Variants in LRCH2 observed in about 807,000 individuals in gnomAD.
LRCH2 encodes leucine-rich repeat and calponin homology domain-containing protein 2.
Under a neutral mutation model 68.9 loss-of-function variants are expected in LRCH2, and 38 were observed. That is an observed-to-expected ratio of 0.55 (90% CI 0.43 to 0.72). LRCH2 has a LOEUF of 0.72. Among genes scored for constraint, LRCH2 ranks in the 30% least tolerant of loss-of-function variants. The pLI, the probability that LRCH2 is intolerant of heterozygous loss-of-function variation, is 0.00. For synonymous variants in LRCH2, 191 were observed against 208.1 expected, an observed-to-expected ratio of 0.92 and a Z score of 0.71; for missense variants, 528 against 572.9, an observed-to-expected ratio of 0.92 and a Z score of 0.80.
intron 14 of LRCH2, 93 bp downstream of exon 14, chrX:115,149,734 G>C (rs1469891845): frequency 7.4e-4 from 358 of 483,030 alleles, no homozygotes; most frequent in Non-Finnish European, 1.3e-4. Context: ...CATTTAACTA[G>C]AGAGTTACAG....
chrX:115,114,530 A>G (rs1603014054), intron 20 of LRCH2, among the ~76,000 whole-genome samples: 1 of 110,992 alleles, frequency 9.0e-6, no homozygotes, highest in East Asian at 2.8e-4. Context: ...AAAACAATAG[A>G]TAAAAAAAAT....
intron 11 of LRCH2, among the ~76,000 whole-genome samples, chrX:115,159,273 ATT>A (rs782264717): frequency 1.2e-4 from 13 of 110,539 alleles, no homozygotes. Flanking sequence ...TAAGATAATG[ATT>A]TTTTTTCAAG....
rs1243892290 is a variant in LRCH2, at chrX:115,122,507, G to A, written c.2178+20C>T. The A allele has an allele frequency of 2.6e-6, 3 of 1,161,528 alleles. No individual in the cohort carries two copies. The highest frequency in any genetic ancestry group is 3.5e-6 in the Non-Finnish European group (3 of 854,310). On this transcript the variant is annotated intron_variant, in intron 20 of 20. Coordinates refer to ENST00000317135, the MANE Select transcript of LRCH2 (RefSeq NM_020871.4). ...AAATTCAAATTTAAGTGATCACGTT[G>A]TTAGATAAATAACAATTACCTGTGA...
intron 12 of LRCH2, among the ~76,000 whole-genome samples, chrX:115,154,272 C>T (rs2072455649): frequency 9.0e-6 from 1 of 111,680 alleles, no homozygotes; most frequent in Non-Finnish European, 1.9e-5. Flanking sequence ...AATTATAGAA[C>T]TGCAAGGAGA....
chrX:115,116,180 T>C (rs1329042291), intron 20 of LRCH2, among the ~76,000 whole-genome samples: 2 of 111,478 alleles, frequency 1.8e-5, no homozygotes, highest in Non-Finnish European at 3.8e-5. Flanking sequence ...AGTTACCATA[T>C]AACCTAACAA....
chrX:115,151,459 T>C lies in LRCH2; in HGVS notation c.1530-1389A>G, dbSNP rs73636266. On this transcript the variant is annotated intron_variant, in intron 12 of 20. Coordinates refer to ENST00000317135, the MANE Select transcript of LRCH2 (RefSeq NM_020871.4). Reference sequence around the variant, plus strand: ...GAGGAAGAAAACTAGATTCCTTACCTCATACCAAATATCAAAATGAAAAAT... The same window carrying C: ...GAGGAAGAAAACTAGATTCCTTACCCCATACCAAATATCAAAATGAAAAAT... 7.1e-3 allele frequency among the ~76,000 whole-genome samples: 784 copies of C among 111,020 alleles called. 9 individuals carry two copies. Among genetic ancestry groups the C allele is most frequent in the African/African-American group, 0.024 (736 of 30,544 alleles).
At chrX:115,231,331 A>C (rs1339893566) in intron 1 of LRCH2, among the ~76,000 whole-genome samples, 1 of 111,743 alleles carries the variant, frequency 8.9e-6, no homozygotes, top group Non-Finnish European at 1.9e-5. Context: ...GTATGTATGT[A>C]CATATGTATG....
At chrX:115,140,265 A>C (rs1430742898) in intron 14 of LRCH2, among the ~76,000 whole-genome samples, 2 of 111,239 alleles carry the variant, frequency 1.8e-5, no homozygotes, top group Non-Finnish European at 3.8e-5. Context: ...CTGGGCAAAA[A>C]GGGAACCCAC....
intron 1 of LRCH2, among the ~76,000 whole-genome samples, chrX:115,204,249 A>C (rs1237276352): frequency 8.8e-6 from 1 of 113,365 alleles, no homozygotes; most frequent in African/African-American, 3.2e-5. Flanking sequence ...GGCCCAGCCC[A>C]TGAAACCATT....
chrX:115,137,166 A>G (rs1467272010), intron 14 of LRCH2, among the ~76,000 whole-genome samples: 1 of 111,582 alleles, frequency 9.0e-6, no homozygotes, highest in Non-Finnish European at 1.9e-5. Flanking sequence ...GAATTATCCA[A>G]CGGCTGAGAA....
intron 14 of LRCH2, among the ~76,000 whole-genome samples, chrX:115,136,685 C>A (rs781855053): frequency 8.0e-4 from 89 of 111,224 alleles, no homozygotes; most frequent in African/African-American, 2.7e-3. Flanking sequence ...GTGTAGAAAA[C>A]AAAGAGCAGT....
At chrX:115,114,572 A>G (rs1366499249) in intron 20 of LRCH2, among the ~76,000 whole-genome samples, 1 of 111,188 alleles carries the variant, frequency 9.0e-6, no homozygotes, top group Non-Finnish European at 1.9e-5. Context: ...CATTTAGAAG[A>G]TTTTTAAAAA....
rs903948361 is a variant in LRCH2, at chrX:115,194,559, G to A, written c.350-6189C>T. On this transcript the variant is annotated intron_variant, in intron 1 of 20. Coordinates refer to ENST00000317135, the MANE Select transcript of LRCH2 (RefSeq NM_020871.4). ...AGTTTGTTATTCTGTATAATACCTAGTATTAAGTACTCATAAATAATATAG... is the reference window on the plus strand; with the variant it reads ...AGTTTGTTATTCTGTATAATACCTAATATTAAGTACTCATAAATAATATAG... Among the ~76,000 whole-genome samples the A allele has an allele frequency of 4.5e-5, 5 of 112,276 alleles. No homozygotes were observed. In the East Asian group the frequency reaches 1.1e-3, roughly 25 times the overall value.
Position 115,123,171 on chromosome X carries a change from T to A in LRCH2, c.1871A>T (p.Gln624Leu). The A allele has an allele frequency of 8.3e-7, 1 of 1,208,446 alleles. No individual in the cohort carries two copies. The highest frequency in any genetic ancestry group is 1.7e-5 in the African/African-American group (1 of 57,690). The change falls in exon 18 of 21, where the codon CAA becomes CTA. Residue 624 changes from glutamine (Q) to leucine (L), a missense_variant. By Grantham distance (113) the Gln-to-Leu change is moderately radical (BLOSUM62 -2). Coordinates refer to ENST00000317135, the MANE Select transcript of LRCH2 (RefSeq NM_020871.4). ...TCCTGGATCTGCTGCCCCATATTCT[T>A]GGCGAGATGAGCGGCTAAAAGCTAT... ...PRSAFSRSSRQEYGAADPGFT... is the reference protein window; with the variant it reads ...PRSAFSRSSRLEYGAADPGFT...
chrX:115,146,122 C>A (rs1228244327), intron 14 of LRCH2, among the ~76,000 whole-genome samples: 1 of 111,841 alleles, frequency 8.9e-6, no homozygotes, highest in Non-Finnish European at 1.9e-5. Context: ...GAAGGAGAGT[C>A]TGTCATTTGC....
chrX:115,192,586 A>G (rs6643947), intron 1 of LRCH2: 121,170 of 1,169,693 alleles, frequency 0.1, 4,496 homozygotes, highest in Middle Eastern at 0.12. Flanking sequence ...CAGGGTGCCC[A>G]GGGGCGGAGG....
intron 12 of LRCH2, among the ~76,000 whole-genome samples, chrX:115,153,498 G>C (rs1556538731): frequency 9.0e-6 from 1 of 110,892 alleles, no homozygotes; most frequent in African/African-American, 3.3e-5. Flanking sequence ...GTAACTAAGG[G>C]ATTGAACACA....
Position 115,165,173 on chromosome X carries a change from T to A in LRCH2, c.1355+232A>T, listed in dbSNP as rs1556543907. ...TCCTCAATAATAATAATAGAAGTCA[T>A]CATTACACTTCAGGGGTAAAAATAG... On this transcript the variant is annotated intron_variant, in intron 10 of 20. Transcript: ENST00000317135. 2.7e-5 allele frequency among the ~76,000 whole-genome samples: 3 copies of A among 110,606 alleles called. No homozygotes were observed. In the Admixed American group the frequency reaches 2.9e-4, roughly 11 times the overall value.
chrX:115,150,690 G>T (rs1305843587), intron 12 of LRCH2, among the ~76,000 whole-genome samples: 1 of 110,642 alleles, frequency 9.0e-6, no homozygotes, highest in African/African-American at 3.3e-5. Flanking sequence ...TGGAATTTCT[G>T]TATAGTGCAA....
Sources: gnomAD v4.1 joint callset for allele counts (sites outside exome capture counted in the v4.1 genomes callset) on GRCh38, gnomAD v4.1.1 for gene constraint, MANE v1.5 for transcripts, NCBI Gene and HGNC (gene_info 2026-07-23, HGNC 2026-07-21) for gene names.